Variants in SAMMSON observed in about 807,000 individuals in gnomAD.
SAMMSON encodes the protein long intergenic non-protein coding RNA 1212.
At chr3:70,036,278 G>A (rs771328420) in intron 3 of SAMMSON, among the ~76,000 whole-genome samples, 12 of 152,126 alleles carry the variant, frequency 7.9e-5, no homozygotes, top group Admixed American at 2.6e-4. Context: ...AAACACCTGG[G>A]TTAGAGATGA....
At chr3:70,296,950 T>A (rs1482516992) in intron 7 of SAMMSON, among the ~76,000 whole-genome samples, 1 of 152,050 alleles carries the variant, frequency 6.6e-6, no homozygotes, top group East Asian at 1.9e-4. Flanking sequence ...CTCTCTGGTC[T>A]AGTTTATTGT....
At chr3:70,210,007 GAATT>G (rs1465572998) in intron 4 of SAMMSON, among the ~76,000 whole-genome samples, 1 of 152,148 alleles carries the variant, frequency 6.6e-6, no homozygotes, top group Non-Finnish European at 1.5e-5. Context: ...TTACTTAACA[GAATT>G]AATTAACAAT....
intron 8 of SAMMSON, among the ~76,000 whole-genome samples, chr3:70,355,344 A>C (rs1702821698): frequency 6.6e-6 from 1 of 152,204 alleles, no homozygotes; most frequent in Non-Finnish European, 1.5e-5. Context: ...TATTGAAATG[A>C]ATACATGCAA....
intron 9 of SAMMSON, among the ~76,000 whole-genome samples, chr3:70,368,427 T>A (rs1702937950): frequency 6.6e-6 from 1 of 151,676 alleles, no homozygotes; most frequent in African/African-American, 2.4e-5. Flanking sequence ...CAATGTGACT[T>A]GCCTGAGTGA....
intron 3 of SAMMSON, among the ~76,000 whole-genome samples, chr3:70,067,316 G>A (rs189262716): frequency 6.6e-6 from 1 of 152,150 alleles, no homozygotes; most frequent in African/African-American, 2.4e-5. Context: ...TAAGTAATAT[G>A]AATCTAAAAG....
intron 4 of SAMMSON, among the ~76,000 whole-genome samples, chr3:70,080,261 A>T (rs747588206): frequency 6.6e-6 from 1 of 152,200 alleles, no homozygotes; most frequent in African/African-American, 2.4e-5. Context: ...TTTATGGCTT[A>T]GCTGTTTCCC....
At chr3:70,337,441 G>A (rs540072326) in intron 7 of SAMMSON, among the ~76,000 whole-genome samples, 2 of 151,564 alleles carry the variant, frequency 1.3e-5, no homozygotes, top group Non-Finnish European at 2.9e-5. Flanking sequence ...TATTCTGCTT[G>A]ATGGCTACAT....
chr3:70,325,613 C>T (rs749020632), intron 7 of SAMMSON, among the ~76,000 whole-genome samples: 3 of 152,108 alleles, frequency 2.0e-5, no homozygotes, highest in Admixed American at 6.6e-5. Flanking sequence ...GCCATTTGCT[C>T]ATTTCAAATT....
intron 4 of SAMMSON, among the ~76,000 whole-genome samples, chr3:70,241,286 C>A (rs1255592677): frequency 6.6e-6 from 1 of 152,064 alleles, no homozygotes; most frequent in Non-Finnish European, 1.5e-5. Context: ...AATCAAAAGG[C>A]AAATTATTGC....
chr3:70,143,418 TA>T (rs1343688364), intron 4 of SAMMSON, among the ~76,000 whole-genome samples: 1 of 152,074 alleles, frequency 6.6e-6, no homozygotes, highest in Non-Finnish European at 1.5e-5. Context: ...TTATTTCAAT[TA>T]TGAAATGCCC....
intron 7 of SAMMSON, among the ~76,000 whole-genome samples, chr3:70,293,340 C>T (rs1265350847): frequency 6.6e-6 from 1 of 151,990 alleles, no homozygotes; most frequent in Non-Finnish European, 1.5e-5. Flanking sequence ...ATATGTGTGT[C>T]CTTATTAATA....
intron 7 of SAMMSON, among the ~76,000 whole-genome samples, chr3:70,292,478 A>G (rs964212203): frequency 1.3e-5 from 2 of 152,262 alleles, no homozygotes; most frequent in East Asian, 1.9e-4. Context: ...TCAGGAAACA[A>G]TCGTAAAGAT....
chr3:70,253,718 A>G (rs2106654317), intron 6 of SAMMSON, among the ~76,000 whole-genome samples: 1 of 152,312 alleles, frequency 6.6e-6, no homozygotes, highest in South Asian at 2.1e-4. Context: ...GCAAAACCCC[A>G]ACTCTAAAAA....
chr3:70,201,563 G>C (rs1460304169), intron 4 of SAMMSON, among the ~76,000 whole-genome samples: 12 of 152,130 alleles, frequency 7.9e-5, no homozygotes, highest in Admixed American at 7.9e-4. Context: ...TATGATCCCT[G>C]TTTATGGATG....
intron 6 of SAMMSON, among the ~76,000 whole-genome samples, chr3:70,262,003 T>C (rs541754762): frequency 6.6e-6 from 1 of 152,304 alleles, no homozygotes; most frequent in African/African-American, 2.4e-5. Context: ...CCATAAGAGT[T>C]TGATCTAACC....
chr3:70,365,783 T>A, intron 9 of SAMMSON, among the ~76,000 whole-genome samples: 1 of 151,920 alleles, frequency 6.6e-6, no homozygotes, highest in Admixed American at 6.6e-5. Flanking sequence ...ACATTTGTAA[T>A]GCACTGATTG....
At chr3:70,100,043 G>A (rs990737300) in intron 4 of SAMMSON, among the ~76,000 whole-genome samples, 3 of 152,262 alleles carry the variant, frequency 2.0e-5, no homozygotes, top group East Asian at 3.9e-4. Flanking sequence ...ATGGCCTTCC[G>A]AGGAAATGTT....
chr3:70,224,435 C>G (rs1262934912), intron 4 of SAMMSON, among the ~76,000 whole-genome samples: 1 of 152,186 alleles, frequency 6.6e-6, no homozygotes, highest in Non-Finnish European at 1.5e-5. Context: ...TCCAGATGTT[C>G]TATAAAAGGT....
intron 7 of SAMMSON, among the ~76,000 whole-genome samples, chr3:70,306,640 T>A (rs575823068): frequency 1.2e-4 from 18 of 152,158 alleles, no homozygotes; most frequent in Non-Finnish European, 2.2e-4. Context: ...ACAACACAAT[T>A]TAACAGTCAT....
Sources: gnomAD v4.1 joint callset for allele counts (sites outside exome capture counted in the v4.1 genomes callset) on GRCh38, gnomAD v4.1.1 for gene constraint, MANE v1.5 for transcripts, NCBI Gene and HGNC (gene_info 2026-07-23, HGNC 2026-07-21) for gene names.